The following KPNB1 variants were observed in gnomAD, a reference collection of about 807,000 sequenced individuals.
The protein encoded by KPNB1 is karyopherin subunit beta 1.
In KPNB1, 7 loss-of-function variants were observed where a neutral mutation model predicts 113.0. That is an observed-to-expected ratio of 0.06 (90% CI 0.04 to 0.12). The LOEUF is 0.12. Ranked by LOEUF, KPNB1 falls within the 10% of genes least tolerant of loss-of-function variation. The pLI is 1.00. For synonymous variants in KPNB1, 363 were observed against 378.6 expected, an observed-to-expected ratio of 0.96 and a Z score of 0.48; for missense variants, 400 against 1,054.8, an observed-to-expected ratio of 0.38 and a Z score of 8.60.
At chr17:47,680,872 T>C (rs1022789741) in intron 21 of KPNB1, among the ~76,000 whole-genome samples, 1 of 152,248 alleles carries the variant, frequency 6.6e-6, no homozygotes, top group Non-Finnish European at 1.5e-5. Context: ...AGCAGAACTT[T>C]TAAAACTGGA....
At chr17:47,663,408 A>C (rs1441865167) in intron 7 of KPNB1, among the ~76,000 whole-genome samples, 2 of 152,210 alleles carry the variant, frequency 1.3e-5, no homozygotes. Flanking sequence ...TAACGCCTGT[A>C]ATCCCAGCAC....
chr17:47,656,085 C>A (rs1343358171), intron 3 of KPNB1, among the ~76,000 whole-genome samples: 1 of 152,022 alleles, frequency 6.6e-6, no homozygotes, highest in Admixed American at 6.6e-5. Context: ...GAAACCCCAT[C>A]TCTACTAAAA....
At chr17:47,667,068 A>T (rs1379164066) in intron 9 of KPNB1, among the ~76,000 whole-genome samples, 1 of 152,154 alleles carries the variant, frequency 6.6e-6, no homozygotes, top group Non-Finnish European at 1.5e-5. Context: ...CTAACTTAAG[A>T]GGAGATATTA....
chr17:47,668,431 G>T, intron 10 of KPNB1, 21 bp downstream of exon 10: 1 of 1,576,932 alleles, frequency 6.3e-7, no homozygotes. Context: ...GGGATTTTTG[G>T]AGTAGAAAGT....
At chr17:47,652,530 T>C (rs1475725673) in intron 2 of KPNB1, among the ~76,000 whole-genome samples, 164 bp from the exon 3 acceptor site, 1 of 152,126 alleles carries the variant, frequency 6.6e-6, no homozygotes, top group Non-Finnish European at 1.5e-5. Flanking sequence ...TAGAAGTCAG[T>C]GAAGTAAATA....
chr17:47,653,974 T>A (rs1191477877), intron 3 of KPNB1, among the ~76,000 whole-genome samples: 1 of 152,238 alleles, frequency 6.6e-6, no homozygotes, highest in Non-Finnish European at 1.5e-5. Context: ...GTATATTCTA[T>A]CACTGGAAAT....
intron 5 of KPNB1, among the ~76,000 whole-genome samples, chr17:47,659,924 A>G (rs941852469): frequency 2.0e-5 from 3 of 151,812 alleles, no homozygotes; most frequent in African/African-American, 4.8e-5. Flanking sequence ...ATATATATGT[A>G]TATGTATGTG....
intron 19 of KPNB1, 148 bp downstream of exon 19, chr17:47,678,561 G>T (rs2030678969): frequency 1.6e-6 from 1 of 624,702 alleles, no homozygotes; most frequent in South Asian, 1.9e-5. Context: ...CTAATGAAGA[G>T]AGTGGCTTGG....
At position 47,663,453 on chromosome 17, in the gene KPNB1, C is replaced by A. The variant is rs558389807; in HGVS notation, c.786+275C>A. 2.6e-4 allele frequency among the ~76,000 whole-genome samples: 39 copies of A among 152,178 alleles called. No homozygotes were observed. In the East Asian group the frequency reaches 4.4e-3, roughly 17 times the overall value. ...CTGAGGTGGGCAGATCACCTGAGGT[C>A]AGGAGTTCGAGACCAGCCTGGCCAA... On this transcript the variant is annotated intron_variant, in intron 7 of 21. Coordinates refer to ENST00000290158, the MANE Select transcript of KPNB1 (RefSeq NM_002265.6).
Position 47,683,955 on chromosome 17 carries a change from A to G in KPNB1, c.*1551A>G, listed in dbSNP as rs1323028247. ...TTTACAAGGGAACAGGGCATCCTGAATTTTAGAGCCTTTCAGCAATAAGAA... is the reference window on the plus strand; with the variant it reads ...TTTACAAGGGAACAGGGCATCCTGAGTTTTAGAGCCTTTCAGCAATAAGAA... On this transcript the variant is annotated 3_prime_UTR_variant, in exon 22 of 22. Transcript: ENST00000290158. 1 of 152,186 alleles carries G rather than the reference A, an allele frequency of 6.6e-6. No individual in the cohort carries two copies. Among genetic ancestry groups the G allele is most frequent in the Admixed American group, 6.5e-5 (1 of 15,272 alleles). The allele number at this position is 152,186 out of a possible 1,614,324, so 9.4% of individuals were successfully genotyped here. A position where few individuals can be genotyped will look rare whatever the true frequency, so the allele number is the denominator to read the frequency against.
chr17:47,683,742 G>A lies in KPNB1; in HGVS notation c.*1338G>A, dbSNP rs1388154548. Reference sequence around the variant, plus strand: ...ACAAAAACAAAAAAAAGTGTGTGTTGTGTGAATACACACACACACTAACTA... The same window carrying A: ...ACAAAAACAAAAAAAAGTGTGTGTTATGTGAATACACACACACACTAACTA... On this transcript the variant is annotated 3_prime_UTR_variant, in exon 22 of 22. Coordinates refer to ENST00000290158, the MANE Select transcript of KPNB1 (RefSeq NM_002265.6). The A allele has an allele frequency of 6.7e-6, 1 of 149,372 alleles. No individual in the cohort carries two copies. The highest frequency in any genetic ancestry group is 1.5e-5 in the Non-Finnish European group (1 of 67,172). The allele number at this position is 149,372 out of a possible 1,614,324, so 9.3% of individuals were successfully genotyped here.
At chr17:47,679,900 A>G in intron 19 of KPNB1, 120 bp from the exon 20 acceptor site, 1 of 655,552 alleles carries the variant, frequency 1.5e-6, no homozygotes, top group Non-Finnish European at 2.7e-6. Flanking sequence ...GGTTTCACCG[A>G]GTTAGCCAGG....
chr17:47,673,344 C>G, intron 13 of KPNB1, 146 bp from the exon 14 acceptor site: 1 of 856,300 alleles, frequency 1.2e-6, no homozygotes. Flanking sequence ...TCATGGTTTA[C>G]TCATATATGT....
chr17:47,653,722 C>A (rs967952813), intron 3 of KPNB1, among the ~76,000 whole-genome samples: 1 of 152,182 alleles, frequency 6.6e-6, no homozygotes, highest in Admixed American at 6.5e-5. Flanking sequence ...CTTGCTATTT[C>A]CTGGTTCTAG....
At chr17:47,650,789 GGGGAGTC>G (rs1915537427) in intron 2 of KPNB1, among the ~76,000 whole-genome samples, 1 of 152,232 alleles carries the variant, frequency 6.6e-6, no homozygotes, top group South Asian at 2.1e-4. Context: ...GGTGGGGGCG[GGGGAGTC>G]GGGCCTAGGG....
chr17:47,672,133 G>A (rs1346284496), intron 12 of KPNB1, among the ~76,000 whole-genome samples: 1 of 151,526 alleles, frequency 6.6e-6, no homozygotes, highest in Non-Finnish European at 1.5e-5. Context: ...AGCCTCCCGA[G>A]TAGCTGGTAC....
chr17:47,678,710 C>G (rs1490267607), intron 19 of KPNB1: 4 of 322,548 alleles, frequency 1.2e-5, no homozygotes, highest in Non-Finnish European at 2.4e-5. Flanking sequence ...CAGGTTCAAG[C>G]AGTTCTCCTG....
At chr17:47,658,804 G>T in intron 5 of KPNB1, 144 bp downstream of exon 5, 1 of 669,418 alleles carries the variant, frequency 1.5e-6, no homozygotes, top group Non-Finnish European at 2.5e-6. Context: ...AGTCGAGTTC[G>T]TATTGTGTGA....
chr17:47,652,542 T>C, intron 2 of KPNB1, 152 bp from the exon 3 acceptor site: 1 of 477,034 alleles, frequency 2.1e-6, no homozygotes, highest in Non-Finnish European at 3.7e-6. Context: ...AAGTAAATAT[T>C]TTGTGGTTTC....
Sources: gnomAD v4.1 joint callset for allele counts (sites outside exome capture counted in the v4.1 genomes callset) on GRCh38, gnomAD v4.1.1 for gene constraint, MANE v1.5 for transcripts, NCBI Gene and HGNC (gene_info 2026-07-23, HGNC 2026-07-21) for gene names.